The following WDR59 variants were observed in gnomAD, a reference collection of about 807,000 sequenced individuals.
WDR59 encodes the protein GATOR2 complex protein WDR59.
Under a neutral mutation model 131.2 loss-of-function variants are expected in WDR59, and 100 were observed. The ratio of observed to expected loss-of-function variants is 0.76; its 90% CI spans 0.65 to 0.90. The LOEUF (loss-of-function observed/expected upper bound fraction) is 0.90, where lower values mean the gene tolerates loss of function less well. Ranked by LOEUF, WDR59 falls within the 40% of genes least tolerant of loss-of-function variation. The pLI is 0.00. For synonymous variants in WDR59, 601 were observed against 466.2 expected, an observed-to-expected ratio of 1.29 and a Z score of -3.72; for missense variants, 1,203 against 1,262.2, an observed-to-expected ratio of 0.95 and a Z score of 0.71.
chr16:74,878,456 C>G (rs1047133400), intron 25 of WDR59, among the ~76,000 whole-genome samples: 2 of 152,184 alleles, frequency 1.3e-5, no homozygotes, highest in Non-Finnish European at 2.9e-5. Context: ...GCGTTCGAGA[C>G]CAGCCTGGCC....
intron 17 of WDR59, among the ~76,000 whole-genome samples, chr16:74,904,564 G>A (rs1243422758): frequency 6.6e-6 from 1 of 152,176 alleles, no homozygotes; most frequent in African/African-American, 2.4e-5. Context: ...GCAAGGATTG[G>A]AAGAGTCCAT....
chr16:74,904,143 G>C, intron 17 of WDR59, 43 bp from the exon 18 acceptor site: 1 of 1,587,278 alleles, frequency 6.3e-7, no homozygotes, highest in Non-Finnish European at 8.6e-7. Flanking sequence ...CTGCAGTCCT[G>C]TCATATTTCC....
chr16:74,887,543 G>C, intron 23 of WDR59, 140 bp downstream of exon 23: 1 of 791,698 alleles, frequency 1.3e-6, no homozygotes, highest in Non-Finnish European at 2.0e-6. Context: ...CCTCCAGCAA[G>C]AGTATCCCTA....
chr16:74,876,537 A>C (rs1012134142), intron 25 of WDR59, among the ~76,000 whole-genome samples: 1 of 152,212 alleles, frequency 6.6e-6, no homozygotes, highest in Admixed American at 6.5e-5. Context: ...GTCATCTCAC[A>C]GTATCATTAA....
intron 25 of WDR59, 73 bp downstream of exon 25, chr16:74,885,580 T>A: frequency 6.6e-7 from 1 of 1,517,670 alleles, no homozygotes; most frequent in South Asian, 1.3e-5. Context: ...TCATTCCAAG[T>A]CTGAGGCTGT....
At position 74,974,190 on chromosome 16, in the gene WDR59, T is replaced by C. The variant is rs554805503; in HGVS notation, c.55-8368A>G. ...TCTCAAAAACAAAGAAAAAAATCAA[T>C]TGATTAATTAAATTTAATTAAATGG... On this transcript the variant is annotated intron_variant, in intron 1 of 25. Transcript: ENST00000262144. Among the ~76,000 whole-genome samples the C allele has an allele frequency of 1.4e-3, 220 of 152,092 alleles. 2 individuals are homozygous for C. Among genetic ancestry groups the C allele is most frequent in the African/African-American group, 4.6e-3 (193 of 41,512 alleles).
intron 7 of WDR59, among the ~76,000 whole-genome samples, chr16:74,942,400 C>T (rs79241800): frequency 6.6e-6 from 1 of 152,090 alleles, no homozygotes; most frequent in Non-Finnish European, 1.5e-5. Flanking sequence ...CTGGGCTCCA[C>T]GGCTTAACCC....
At chr16:74,965,713 A>G in intron 2 of WDR59, 60 bp downstream of exon 2, 1 of 1,597,368 alleles carries the variant, frequency 6.3e-7, no homozygotes, top group South Asian at 1.1e-5. Flanking sequence ...GTTCCCAGAA[A>G]CCCCGATTTG....
intron 7 of WDR59, among the ~76,000 whole-genome samples, chr16:74,942,080 C>T (rs977073651): frequency 6.6e-6 from 1 of 152,108 alleles, no homozygotes. Flanking sequence ...CCCTGTGCCA[C>T]GACCCTCACT....
intron 25 of WDR59, among the ~76,000 whole-genome samples, chr16:74,877,974 A>G (rs140547163): frequency 4.1e-4 from 63 of 152,240 alleles, no homozygotes; most frequent in African/African-American, 1.4e-3. Flanking sequence ...CCTTTCCCAA[A>G]TTTGGAAGAA....
intron 1 of WDR59, among the ~76,000 whole-genome samples, chr16:74,978,820 A>G (rs1277903607): frequency 2.0e-5 from 3 of 152,128 alleles, no homozygotes; most frequent in African/African-American, 7.2e-5. Context: ...GTGAGGGAAG[A>G]GTTGTCTCCA....
chr16:74,905,654 C>T (rs1450289993), intron 17 of WDR59, among the ~76,000 whole-genome samples: 1 of 151,242 alleles, frequency 6.6e-6, no homozygotes, highest in Non-Finnish European at 1.5e-5. Flanking sequence ...TGCACTCCAG[C>T]CTGGGCAACA....
chr16:74,928,214 T>G (rs1160230929), intron 8 of WDR59, among the ~76,000 whole-genome samples: 1 of 149,880 alleles, frequency 6.7e-6, no homozygotes, highest in African/African-American at 2.5e-5. Context: ...GTTTTTTTTT[T>G]TTTTTTTTTT....
At chr16:74,965,672 C>T in intron 2 of WDR59, 101 bp downstream of exon 2, 2 of 1,415,944 alleles carry the variant, frequency 1.4e-6, no homozygotes, top group Admixed American at 1.7e-5. Flanking sequence ...ACCCTATGAT[C>T]ATAATCCGTA....
chr16:74,942,174 T>C (rs1426929844), intron 7 of WDR59, among the ~76,000 whole-genome samples: 1 of 152,146 alleles, frequency 6.6e-6, no homozygotes, highest in Non-Finnish European at 1.5e-5. Flanking sequence ...TAGGTGTCCA[T>C]GGGCTGCTGC....
intron 1 of WDR59, among the ~76,000 whole-genome samples, chr16:74,971,456 G>A (rs2033981042): frequency 1.1e-5 from 1 of 89,948 alleles, no homozygotes; most frequent in Non-Finnish European, 2.0e-5. Context: ...TTTTTGAGAT[G>A]GAGTCTTGCT....
At chr16:74,944,159 G>A (rs1842842323) in intron 6 of WDR59, among the ~76,000 whole-genome samples, 3 of 152,040 alleles carry the variant, frequency 2.0e-5, no homozygotes, top group Admixed American at 2.0e-4. Context: ...AATGCAACCT[G>A]CTTTATCAAG....
intron 5 of WDR59, among the ~76,000 whole-genome samples, chr16:74,949,183 T>A (rs140733798): frequency 6.6e-6 from 1 of 151,186 alleles, no homozygotes; most frequent in South Asian, 2.1e-4. Flanking sequence ...AAATAAAAAT[T>A]AGCTGGGCAT....
At chr16:74,912,162 G>C (rs1427042966) in intron 14 of WDR59, 36 bp downstream of exon 14, 11 of 1,613,764 alleles carry the variant, frequency 6.8e-6, no homozygotes, top group Non-Finnish European at 9.3e-6. Context: ...CAATGATGCA[G>C]AACAGCAAGG....
Sources: gnomAD v4.1 joint callset for allele counts (sites outside exome capture counted in the v4.1 genomes callset) on GRCh38, gnomAD v4.1.1 for gene constraint, MANE v1.5 for transcripts, NCBI Gene and HGNC (gene_info 2026-07-23, HGNC 2026-07-21) for gene names.